Variants in C11orf65 observed in about 807,000 individuals in gnomAD.
C11orf65 encodes the protein protein MFI.
C11orf65 carries 38 observed loss-of-function variants against 35.3 expected under a neutral mutation model. The observed-to-expected ratio is 1.08, with a 90% CI of 0.83 to 1.41. C11orf65 has a LOEUF of 1.41. C11orf65 is among the 40% of genes most tolerant of loss of function. The probability of loss-of-function intolerance (pLI) is 0.00; values close to 1 mark genes in which losing one functional copy is unlikely to be tolerated. For synonymous variants in C11orf65, 105 were observed against 114.4 expected (o/e 0.92, Z 0.53); for missense variants, 370 against 367.1 (o/e 1.01, Z -0.06).
chr11:108,467,597 C>T (rs1215078399), upstream of C11orf65: 1 of 152,230 alleles, frequency 6.6e-6, no homozygotes, highest in Non-Finnish European at 1.5e-5. Context: ...CGCCTTTCCT[C>T]TATTCGCGCT....
chr11:108,456,743 C>T (rs2093415023), intron 2 of C11orf65, among the ~76,000 whole-genome samples: 1 of 149,638 alleles, frequency 6.7e-6, no homozygotes, highest in Admixed American at 6.7e-5. Flanking sequence ...TGCAACTGCA[C>T]TCTAGCATGG....
chr11:108,367,660 T>C (rs2091404873), intron 2 of C11orf65: 1 of 213,114 alleles, frequency 4.7e-6, no homozygotes, highest in African/African-American at 2.3e-5. Context: ...TATGAAGAGT[T>C]GGCATTTCTT....
At chr11:108,452,750 C>T (rs1335249415) in intron 2 of C11orf65, among the ~76,000 whole-genome samples, 1 of 151,984 alleles carries the variant, frequency 6.6e-6, no homozygotes, top group African/African-American at 2.4e-5. Flanking sequence ...GGAACCAACC[C>T]AAATGTCCAT....
At chr11:108,442,157 G>T (rs143181649) in intron 2 of C11orf65, among the ~76,000 whole-genome samples, 34 of 152,262 alleles carry the variant, frequency 2.2e-4, no homozygotes, top group African/African-American at 7.2e-4. Flanking sequence ...GAAAACCATG[G>T]CAAGAGAACT....
intron 2 of C11orf65, among the ~76,000 whole-genome samples, chr11:108,445,932 G>A (rs1214318524): frequency 1.3e-5 from 2 of 152,162 alleles, no homozygotes; most frequent in African/African-American, 4.8e-5. Flanking sequence ...GCTTAAAGGA[G>A]CTGATGGAGC....
chr11:108,318,133 G>A (rs976090912), intron 6 of C11orf65, among the ~76,000 whole-genome samples: 6 of 152,092 alleles, frequency 3.9e-5, no homozygotes, highest in African/African-American at 7.2e-5. Context: ...AGGCCAAGGC[G>A]GGTGGATCGC....
In C11orf65 at chr11:108,393,596, C is replaced by G. The variant is rs2092223396; in HGVS notation, c.561-218G>C. ...TAACCACACTAACTTAAAATCACCC[C>G]TCAATAAGTTGCATTTTTATGATAC... On this transcript the variant is annotated intron_variant, in intron 6 of 8. Coordinates refer to ENST00000393084, the MANE Select transcript of C11orf65 (RefSeq NM_152587.5). Among the ~76,000 whole-genome samples the G allele has an allele frequency of 1.3e-5, 2 of 152,098 alleles. 1 individual carries two copies. Among genetic ancestry groups the G allele is most frequent in the South Asian group, 4.2e-4 (2 of 4,812 alleles).
intron 6 of C11orf65, among the ~76,000 whole-genome samples, chr11:108,320,751 T>C (rs4988092): frequency 5.8e-4 from 88 of 152,318 alleles, no homozygotes; most frequent in Non-Finnish European, 9.4e-4. Context: ...TTAGGAGTGC[T>C]GAGCCCCTCC....
chr11:108,401,263 A>G (rs1017123194), intron 6 of C11orf65, among the ~76,000 whole-genome samples: 1 of 152,054 alleles, frequency 6.6e-6, no homozygotes, highest in African/African-American at 2.4e-5. Flanking sequence ...AAACAAACAC[A>G]CAATTCCCTG....
chr11:108,365,113 C>A (rs1591384581), intron 2 of C11orf65: 1 of 1,613,974 alleles, frequency 6.2e-7, no homozygotes, highest in Non-Finnish European at 8.5e-7. Flanking sequence ...TTTGACTGGA[C>A]CATGAATCCT....
At chr11:108,355,382 C>T (rs975819958) in intron 2 of C11orf65, 1 of 173,016 alleles carries the variant, frequency 5.8e-6, no homozygotes, top group Admixed American at 5.5e-5. Context: ...GACAGCTCAC[C>T]TGAATAGGGT....
intron 6 of C11orf65, among the ~76,000 whole-genome samples, chr11:108,396,129 G>A (rs1260365230): frequency 1.3e-5 from 2 of 150,830 alleles, no homozygotes; most frequent in Non-Finnish European, 3.0e-5. Flanking sequence ...CAAATGCTCC[G>A]TTACCCAGGC....
At chr11:108,352,928 T>C (rs2089387997) in intron 2 of C11orf65, among the ~76,000 whole-genome samples, 1 of 152,042 alleles carries the variant, frequency 6.6e-6, no homozygotes, top group Non-Finnish European at 1.5e-5. Flanking sequence ...GTCAGAGGGC[T>C]GGGTGATAGG....
At chr11:108,427,314 T>C (rs112783090) in intron 3 of C11orf65, among the ~76,000 whole-genome samples, 8 of 148,294 alleles carry the variant, frequency 5.4e-5, no homozygotes, top group Non-Finnish European at 1.2e-4. Context: ...ATATCCAGAA[T>C]CTATAAGGAA....
At chr11:108,400,209 G>A (rs1235647328) in intron 6 of C11orf65, among the ~76,000 whole-genome samples, 1 of 152,194 alleles carries the variant, frequency 6.6e-6, no homozygotes, top group Admixed American at 6.5e-5. Context: ...TCTAAGTGTT[G>A]TGCTTCTTCA....
intron 6 of C11orf65, among the ~76,000 whole-genome samples, chr11:108,315,358 A>AGT (rs763815870): frequency 2.0e-5 from 3 of 152,102 alleles, no homozygotes; most frequent in Non-Finnish European, 4.4e-5. Flanking sequence ...TGCTGTGTAC[A>AGT]GTGTGTGTGT....
At chr11:108,374,321 G>A (rs561230507) in intron 2 of C11orf65, among the ~76,000 whole-genome samples, 86 of 152,308 alleles carry the variant, frequency 5.6e-4, no homozygotes, top group African/African-American at 1.9e-3. Context: ...AGCAGCATTC[G>A]CGGTTCATGA....
chr11:108,312,648 T>G, intron 6 of C11orf65: 1 of 627,200 alleles, frequency 1.6e-6, no homozygotes, highest in South Asian at 2.0e-5. Context: ...GGTCTGAAGC[T>G]TAAGCCTTAG....
chr11:108,415,037 A>T (rs1207034262), intron 3 of C11orf65, among the ~76,000 whole-genome samples: 2 of 152,154 alleles, frequency 1.3e-5, no homozygotes, highest in Admixed American at 1.3e-4. Context: ...TCCTCTAATT[A>T]ATAATATCTA....
Sources: gnomAD v4.1 joint callset for allele counts (sites outside exome capture counted in the v4.1 genomes callset) on GRCh38, gnomAD v4.1.1 for gene constraint, MANE v1.5 for transcripts, NCBI Gene and HGNC (gene_info 2026-07-23, HGNC 2026-07-21) for gene names.